Variants in VDAC1 observed in about 807,000 individuals in gnomAD.
VDAC1 encodes voltage dependent anion channel 1.
A neutral mutation model predicts 34.7 loss-of-function variants in VDAC1; 10 were observed. The observed-to-expected ratio is 0.29, with a 90% CI of 0.18 to 0.49. The LOEUF is 0.49. Ranked by LOEUF, VDAC1 falls within the 20% of genes least tolerant of loss-of-function variation. VDAC1 has a pLI of 0.99. For synonymous variants in VDAC1, 130 were observed against 136.0 expected, an observed-to-expected ratio of 0.96 and a Z score of 0.30; for missense variants, 230 against 347.9, an observed-to-expected ratio of 0.66 and a Z score of 2.69.
intron 1 of VDAC1, among the ~76,000 whole-genome samples, chr5:133,995,342 C>A (rs1316003900): frequency 6.6e-6 from 1 of 152,224 alleles, no homozygotes; most frequent in Non-Finnish European, 1.5e-5. Flanking sequence ...TATCCCTATC[C>A]AATGCCTCAC....
chr5:134,080,552 C>CGGAGGTACAGCACCA, the VDAC1 span, among the ~76,000 whole-genome samples: 1 of 150,420 alleles, frequency 6.6e-6, no homozygotes. Flanking sequence ...GGTTAAGTCA[C>CGGAGGTACAGCACCA]CGAGGTACCA....
At chr5:134,061,010 T>C in the VDAC1 span, among the ~76,000 whole-genome samples, 37 of 150,136 alleles carry the variant, frequency 2.5e-4, no homozygotes, top group Non-Finnish European at 3.9e-4. Context: ...GTAGCTGGGA[T>C]TGCAGGCACA....
chr5:134,027,767 CTTTTTTT>C, the VDAC1 span, among the ~76,000 whole-genome samples: 2 of 120,656 alleles, frequency 1.7e-5, no homozygotes, highest in Non-Finnish European at 3.4e-5. Flanking sequence ...ATCTTGCCTA[CTTTTTTT>C]TTTTTTTTTT....
the VDAC1 span, among the ~76,000 whole-genome samples, chr5:134,020,652 T>TTTTGTTTG: frequency 1.0e-3 from 151 of 150,214 alleles, no homozygotes; most frequent in Non-Finnish European, 1.5e-3. Flanking sequence ...CAGGCTTCTT[T>TTTTGTTTG]TTTGTTTGTT....
the VDAC1 span, among the ~76,000 whole-genome samples, chr5:134,085,810 A>G: frequency 6.7e-6 from 1 of 148,664 alleles, no homozygotes; most frequent in East Asian, 2.0e-4. Flanking sequence ...CGAGAGGCTG[A>G]GATGGGAGGA....
At chr5:134,014,436 A>T in the VDAC1 span, among the ~76,000 whole-genome samples, 88 of 152,340 alleles carry the variant, frequency 5.8e-4, 1 homozygote, top group Middle Eastern at 0.017. Flanking sequence ...AAGTTAAAAA[A>T]TAGTTGTTGG....
At chr5:134,068,008 C>T in the VDAC1 span, among the ~76,000 whole-genome samples, 31 of 152,032 alleles carry the variant, frequency 2.0e-4, no homozygotes, top group Non-Finnish European at 4.0e-4. Flanking sequence ...ATACCAGCTA[C>T]GTGGGAGGCT....
intron 1 of VDAC1, among the ~76,000 whole-genome samples, chr5:133,999,711 G>C (rs1753467704): frequency 6.6e-6 from 1 of 152,072 alleles, no homozygotes; most frequent in African/African-American, 2.4e-5. Context: ...TAACAGACCA[G>C]ACCTGACACC....
chr5:134,069,425 G>A, the VDAC1 span, among the ~76,000 whole-genome samples: 22 of 152,290 alleles, frequency 1.4e-4, no homozygotes, highest in African/African-American at 5.3e-4. Flanking sequence ...AGGGCAGGAG[G>A]AAGGAATGAT....
the VDAC1 span, among the ~76,000 whole-genome samples, chr5:134,085,325 C>T: frequency 6.6e-6 from 1 of 152,046 alleles, no homozygotes; most frequent in South Asian, 2.1e-4. Flanking sequence ...GCCTCGGCCT[C>T]CCAAAGTGCT....
the VDAC1 span, among the ~76,000 whole-genome samples, chr5:134,060,297 C>T: frequency 1.3e-5 from 2 of 151,986 alleles, no homozygotes; most frequent in Admixed American, 6.6e-5. Flanking sequence ...AGCCAGGGAT[C>T]GACCACCCGT....
upstream of VDAC1, among the ~76,000 whole-genome samples, chr5:134,007,957 A>G (rs1286200424): frequency 6.6e-6 from 1 of 152,064 alleles, no homozygotes; most frequent in Non-Finnish European, 1.5e-5. Flanking sequence ...GGGACAGGAC[A>G]ATCCTAACCT....
the VDAC1 span, among the ~76,000 whole-genome samples, chr5:134,103,190 C>A: frequency 1.3e-5 from 2 of 152,180 alleles, no homozygotes. Context: ...GGTGCAATCT[C>A]AGCTAACTGT....
chr5:134,096,410 C>CG, the VDAC1 span, among the ~76,000 whole-genome samples: 1 of 152,196 alleles, frequency 6.6e-6, no homozygotes, highest in East Asian at 1.9e-4. Context: ...TGAGCAGCCC[C>CG]GGCTGCAGGA....
chr5:134,081,700 CTGGAAGAAGGATA>C, the VDAC1 span, among the ~76,000 whole-genome samples: 9 of 152,150 alleles, frequency 5.9e-5, no homozygotes, highest in Non-Finnish European at 4.4e-5. Flanking sequence ...TCCCACTCAG[CTGGAAGAAGGATA>C]TGGTAAGAGG....
chr5:134,072,106 C>T, the VDAC1 span, among the ~76,000 whole-genome samples: 1 of 152,128 alleles, frequency 6.6e-6, no homozygotes, highest in African/African-American at 2.4e-5. Context: ...CCACCGATTC[C>T]AGGGAATGCA....
At chr5:133,998,977 TAGAA>T (rs1386292404) in intron 1 of VDAC1, among the ~76,000 whole-genome samples, 2 of 151,970 alleles carry the variant, frequency 1.3e-5, no homozygotes, top group Non-Finnish European at 2.9e-5. Flanking sequence ...CCCCGCCTGG[TAGAA>T]ATATGCTCTC....
chr5:133,981,017 T>G (rs76341281), intron 5 of VDAC1, 61 bp from the exon 6 acceptor site: 3 of 199,036 alleles, frequency 1.5e-5, no homozygotes, highest in South Asian at 1.3e-4. Flanking sequence ...GCAAGTTGTC[T>G]TTTTTTTTTT....
At chr5:134,075,806 C>T in the VDAC1 span, among the ~76,000 whole-genome samples, 5 of 151,880 alleles carry the variant, frequency 3.3e-5, no homozygotes, top group African/African-American at 4.8e-5. Context: ...AGGATGGTCT[C>T]GATCTCCTGA....
Sources: gnomAD v4.1 joint callset for allele counts (sites outside exome capture counted in the v4.1 genomes callset) on GRCh38, gnomAD v4.1.1 for gene constraint, MANE v1.5 for transcripts, NCBI Gene and HGNC (gene_info 2026-07-23, HGNC 2026-07-21) for gene names.